The following CAST variants were observed in gnomAD, a reference collection of about 807,000 sequenced individuals.
CAST encodes MIR583 host.
A neutral mutation model predicts 119.6 loss-of-function variants in CAST; 76 were observed. That is an observed-to-expected ratio of 0.64 (90% CI 0.53 to 0.77). The LOEUF (loss-of-function observed/expected upper bound fraction) is 0.77. Among genes scored for constraint, CAST ranks in the 30% least tolerant of loss-of-function variants. The pLI is 0.00. For missense variants in CAST, 953 were observed against 946.5 expected, an observed-to-expected ratio of 1.01 and a Z score of -0.09; for synonymous variants, 319 against 331.6, an observed-to-expected ratio of 0.96 and a Z score of 0.41.
the CAST span, among the ~76,000 whole-genome samples, chr5:96,113,484 CT>C: frequency 3.9e-5 from 6 of 152,224 alleles, no homozygotes; most frequent in Non-Finnish European, 7.3e-5. Flanking sequence ...AAGTGGGAGT[CT>C]TGCACCTTTG....
intron 3 of CAST, chr5:96,702,663 C>A (rs1196937288): frequency 3.6e-6 from 2 of 549,158 alleles, no homozygotes; most frequent in Non-Finnish European, 4.6e-6. Flanking sequence ...GTGAGCCAGT[C>A]TCCAGATGCC....
the CAST span, chr5:96,416,136 A>G: frequency 6.5e-7 from 1 of 1,537,406 alleles, no homozygotes; most frequent in Non-Finnish European, 9.0e-7. Context: ...GGATTGAAAA[A>G]TAAGAATTAT....
At chr5:96,089,136 G>A in the CAST span, among the ~76,000 whole-genome samples, 7 of 139,178 alleles carry the variant, frequency 5.0e-5, no homozygotes, top group African/African-American at 1.1e-4. Context: ...TCCCCTCTTC[G>A]CACTGAAGGA....
At chr5:96,223,300 T>C in the CAST span, among the ~76,000 whole-genome samples, 1 of 152,074 alleles carries the variant, frequency 6.6e-6, no homozygotes, top group Admixed American at 6.6e-5. Flanking sequence ...AAATAAATAT[T>C]AAATATTCAA....
the CAST span, chr5:96,421,844 A>G: frequency 1.9e-6 from 2 of 1,077,580 alleles, no homozygotes; most frequent in African/African-American, 1.6e-5. Context: ...AAGCATTGTA[A>G]AGTACTTTAT....
chr5:96,018,366 A>G, the CAST span, among the ~76,000 whole-genome samples: 1 of 151,920 alleles, frequency 6.6e-6, no homozygotes, highest in Admixed American at 6.5e-5. Flanking sequence ...TTAAGTAAGC[A>G]TAGACATTGT....
chr5:96,548,061 G>C (rs1253832567), intron 1 of CAST, among the ~76,000 whole-genome samples: 6 of 152,172 alleles, frequency 3.9e-5, no homozygotes, highest in Non-Finnish European at 7.3e-5. Context: ...TGACAGACAG[G>C]CCACAGTGGC....
At chr5:95,992,041 A>G in the CAST span, among the ~76,000 whole-genome samples, 1 of 152,198 alleles carries the variant, frequency 6.6e-6, no homozygotes, top group African/African-American at 2.4e-5. Context: ...ATCTCACTGA[A>G]CTAACCTTCT....
chr5:96,456,511 C>T, the CAST span, among the ~76,000 whole-genome samples: 6 of 152,326 alleles, frequency 3.9e-5, no homozygotes, highest in African/African-American at 1.4e-4. Flanking sequence ...TGTCCAAGAA[C>T]ACAAGAATAT....
the CAST span, among the ~76,000 whole-genome samples, chr5:96,139,520 G>GTA: frequency 1.0e-4 from 14 of 133,926 alleles, no homozygotes; most frequent in East Asian, 1.0e-3. Flanking sequence ...ATATATATGT[G>GTA]TATATATATA....
the CAST span, among the ~76,000 whole-genome samples, chr5:96,487,216 C>A: frequency 6.6e-6 from 1 of 152,096 alleles, no homozygotes; most frequent in Non-Finnish European, 1.5e-5. Context: ...AATGTCCATA[C>A]CATATGTGTT....
chr5:96,320,269 G>A, the CAST span, among the ~76,000 whole-genome samples: 1 of 82,988 alleles, frequency 1.2e-5, no homozygotes, highest in East Asian at 4.3e-4. Context: ...TGGAATTTTT[G>A]CCCAGGTTCC....
chr5:96,565,077 G>GGTGTGTGTGTGTGTGTGTGT lies in CAST; in HGVS notation c.60+35206_60+35225dup, dbSNP rs61240765. On this transcript the variant is annotated intron_variant, in intron 1 of 11. Transcript: ENST00000505143. ...TTAAAGTATAAAAACACATGGGAAA[G>GGTGTGTGTGTGTGTGTGTGT]GTGTGTGTGTGTGTGTGTGTGTGTG... Among the ~76,000 whole-genome samples, 204 of 148,742 alleles carry GGTGTGTGTGTGTGTGTGTGT rather than the reference G, an allele frequency of 1.4e-3. 2 individuals carry two copies. The East Asian group carries it at 0.015, about 11-fold the overall frequency.
the CAST span, chr5:96,432,007 A>G: frequency 7.5e-6 from 8 of 1,061,734 alleles, no homozygotes; most frequent in East Asian, 5.2e-5. Context: ...CCCACCTCCA[A>G]CCAGCTACCT....
At chr5:96,002,148 G>C in the CAST span, among the ~76,000 whole-genome samples, 1 of 152,224 alleles carries the variant, frequency 6.6e-6, no homozygotes. Context: ...CATTGTTCAA[G>C]TGTACTTATA....
At chr5:96,365,175 T>G in the CAST span, among the ~76,000 whole-genome samples, 3 of 152,364 alleles carry the variant, frequency 2.0e-5, no homozygotes, top group South Asian at 6.2e-4. Flanking sequence ...TTGATTGCAC[T>G]GTGGTCTGAG....
chr5:96,435,262 A>G, the CAST span, among the ~76,000 whole-genome samples: 1 of 152,230 alleles, frequency 6.6e-6, no homozygotes, highest in Non-Finnish European at 1.5e-5. Flanking sequence ...TCTCTCATTA[A>G]TGAGGCATTT....
At chr5:96,593,351 A>C (rs1374809796) in intron 1 of CAST, among the ~76,000 whole-genome samples, 1 of 152,100 alleles carries the variant, frequency 6.6e-6, no homozygotes, top group Admixed American at 6.5e-5. Flanking sequence ...GCATGTCTTG[A>C]TCATGGAATT....
the CAST span, among the ~76,000 whole-genome samples, chr5:95,970,598 C>T: frequency 3.3e-5 from 5 of 152,182 alleles, no homozygotes; most frequent in Non-Finnish European, 7.3e-5. Flanking sequence ...GAAAGGAATA[C>T]ATTTATCTCT....
Sources: gnomAD v4.1 joint callset for allele counts (sites outside exome capture counted in the v4.1 genomes callset) on GRCh38, gnomAD v4.1.1 for gene constraint, MANE v1.5 for transcripts, NCBI Gene and HGNC (gene_info 2026-07-23, HGNC 2026-07-21) for gene names.